Variants in ADCY9 observed in about 807,000 individuals in gnomAD.
ADCY9 encodes adenylate cyclase type 9.
A neutral mutation model predicts 101.5 loss-of-function variants in ADCY9; 50 were observed. The observed-to-expected ratio is 0.49, with a 90% CI of 0.39 to 0.62. The LOEUF is 0.62. Among genes scored for constraint, ADCY9 ranks in the 20% least tolerant of loss-of-function variants. The pLI is 0.00. For synonymous variants in ADCY9, 905 were observed against 769.3 expected (o/e 1.18, Z -2.92); for missense variants, 1,662 against 1,800.4 (o/e 0.92, Z 1.39).
chr16:4,051,638 C>G (rs1238902277), intron 2 of ADCY9, among the ~76,000 whole-genome samples: 1 of 152,028 alleles, frequency 6.6e-6, no homozygotes, highest in Non-Finnish European at 1.5e-5. Flanking sequence ...CTGGGACAAT[C>G]TGGGTATCGA....
chr16:4,094,115 T>G (rs893137310), intron 2 of ADCY9, among the ~76,000 whole-genome samples: 1 of 152,212 alleles, frequency 6.6e-6, no homozygotes, highest in African/African-American at 2.4e-5. Context: ...TTAATTATGT[T>G]AATCCAGCTG....
intron 2 of ADCY9, among the ~76,000 whole-genome samples, chr16:4,097,501 CTA>C (rs1555445956): frequency 5.7e-5 from 6 of 105,500 alleles, no homozygotes; most frequent in African/African-American, 2.2e-4. Flanking sequence ...CACACACACA[CTA>C]TATATATGTA....
intron 2 of ADCY9, among the ~76,000 whole-genome samples, chr16:4,109,871 G>C (rs2057102317): frequency 6.6e-6 from 1 of 152,180 alleles, no homozygotes; most frequent in Admixed American, 6.5e-5. Context: ...GCCCCCTGTT[G>C]AGTGGTTCCC....
chr16:4,050,935 G>A (rs1176638964), intron 2 of ADCY9, among the ~76,000 whole-genome samples: 4 of 152,036 alleles, frequency 2.6e-5, no homozygotes, highest in South Asian at 2.1e-4. Context: ...ACATGTGGCC[G>A]GGAGCAGTGG....
rs2057137885 is a variant in ADCY9 at position 4,114,832 on chromosome 16, C to T, written c.611G>A (p.Ser204Asn). The T allele has an allele frequency of 6.2e-7, 1 of 1,613,496 alleles. No individual in the cohort carries two copies. The highest frequency in any genetic ancestry group is 1.3e-5 in the African/African-American group (1 of 75,072). Residue 204 changes from serine to asparagine, a missense_variant, in exon 2 of 11, where the codon AGC (serine) becomes AAC (asparagine). Ser to Asn is a conservative substitution (Grantham distance 46). Around this residue, in one of 5 missense-constraint regions of ADCY9, gnomAD observed 422 missense variants for 392.0 expected, o/e 1.08. Transcript: ENST00000294016. The surrounding 1 kb of genome is among the most constrained non-coding windows in gnomAD (Gnocchi z 4.3). The stretch of plus-strand genomic sequence containing the variant: ...CCGGGCTGTGGCCGTAAGGTTGGAG[C>T]TGTCGCCGCGTCCTGAGACAGGCGT... ...VLTPVSGRGD[S>N]SNLTATARPT...
At chr16:4,056,096 C>T (rs1179460120) in intron 2 of ADCY9, among the ~76,000 whole-genome samples, 3 of 152,148 alleles carry the variant, frequency 2.0e-5, no homozygotes, top group Non-Finnish European at 2.9e-5. Context: ...CCGAAAGCTG[C>T]GCCCTCCCCG....
At chr16:4,098,678 G>A (rs1230910082) in intron 2 of ADCY9, among the ~76,000 whole-genome samples, 3 of 152,066 alleles carry the variant, frequency 2.0e-5, no homozygotes, top group Admixed American at 2.0e-4. Context: ...TTCCAGTGGC[G>A]TGGAAACAGA....
At chr16:3,968,434 G>A (rs1218472950) in intron 10 of ADCY9, among the ~76,000 whole-genome samples, 1 of 152,004 alleles carries the variant, frequency 6.6e-6, no homozygotes, top group Non-Finnish European at 1.5e-5. Context: ...GCCTGGCCTT[G>A]GTTCTTAGAT....
At chr16:3,969,584 ATATAT>A (rs1567414798) in intron 10 of ADCY9, among the ~76,000 whole-genome samples, 3 of 77,764 alleles carry the variant, frequency 3.9e-5, no homozygotes, top group African/African-American at 2.0e-4. Context: ...ATATATATAT[ATATAT>A]ATATATATAT....
chr16:4,031,346 A>C (rs907520665), intron 2 of ADCY9, among the ~76,000 whole-genome samples: 2 of 152,196 alleles, frequency 1.3e-5, no homozygotes, highest in African/African-American at 4.8e-5. Flanking sequence ...AAAGAGGACA[A>C]ATATAGATAC....
At chr16:4,105,446 C>T (rs988778892) in intron 2 of ADCY9, among the ~76,000 whole-genome samples, 2 of 149,394 alleles carry the variant, frequency 1.3e-5, no homozygotes, top group Non-Finnish European at 3.0e-5. Flanking sequence ...CTGAGGCGGG[C>T]AGATCACTTG....
At chr16:3,993,756 T>C (rs1311999566) in intron 3 of ADCY9, among the ~76,000 whole-genome samples, 1 of 152,120 alleles carries the variant, frequency 6.6e-6, no homozygotes, top group Non-Finnish European at 1.5e-5. Flanking sequence ...GACTGAACAA[T>C]GGATCAACAA....
intron 10 of ADCY9, among the ~76,000 whole-genome samples, chr16:3,967,773 C>A (rs1321385422): frequency 4.0e-5 from 6 of 150,168 alleles, no homozygotes; most frequent in African/African-American, 1.5e-4. Flanking sequence ...TCTTGGCTCA[C>A]TGCACCCTCT....
At chr16:4,092,069 G>A (rs1004442972) in intron 2 of ADCY9, among the ~76,000 whole-genome samples, 14 of 152,200 alleles carry the variant, frequency 9.2e-5, no homozygotes, top group African/African-American at 3.4e-4. Context: ...AGGAGTACAA[G>A]GCCAGCCTGG....
intron 2 of ADCY9, among the ~76,000 whole-genome samples, chr16:4,078,185 G>C (rs978792767): frequency 5.3e-5 from 8 of 152,270 alleles, no homozygotes; most frequent in Admixed American, 5.2e-4. Context: ...ACTTGTGAAT[G>C]TTCACAGCAA....
At chr16:4,031,812 G>C (rs1461873917) in intron 2 of ADCY9, among the ~76,000 whole-genome samples, 1 of 151,994 alleles carries the variant, frequency 6.6e-6, no homozygotes, top group South Asian at 2.1e-4. Context: ...GGGAGGTCGA[G>C]GCAGAGGTGA....
Position 4,115,451 on chromosome 16 carries a change from GTCCCGGGGCCTGCCC to G in ADCY9, c.-24_-10del. ...TGGGGTGGGGAAGCCATGTTGTCGA[GTCCCGGGGCCTGCCC>G]CGGCCGGGGTCACCAGTACCTGCCA... On this transcript the variant is annotated 5_prime_UTR_variant, in exon 2 of 11. Transcript: ENST00000294016. The surrounding 1 kb of genome is among the most constrained non-coding windows in gnomAD (Gnocchi z 6.2). 2 of 1,531,320 alleles carry G rather than the reference GTCCCGGGGCCTGCCC, an allele frequency of 1.3e-6. No individual in the cohort carries two copies. The highest frequency in any genetic ancestry group is 1.8e-6 in the Non-Finnish European group (2 of 1,138,158). 94.9% of individuals were successfully genotyped at this position (1,531,320 alleles called of 1,614,324 possible).
chr16:4,111,463 C>G (rs763288701), intron 2 of ADCY9, among the ~76,000 whole-genome samples: 10 of 152,094 alleles, frequency 6.6e-5, no homozygotes, highest in Non-Finnish European at 1.5e-4. Flanking sequence ...AAGGCAGAGG[C>G]TAAAATCGAT....
At chr16:4,053,871 G>A (rs2056718315) in intron 2 of ADCY9, among the ~76,000 whole-genome samples, 1 of 152,040 alleles carries the variant, frequency 6.6e-6, no homozygotes, top group South Asian at 2.1e-4. Flanking sequence ...AGGGTCTTCT[G>A]GATAGGGCAT....
Sources: gnomAD v4.1 joint callset for allele counts (sites outside exome capture counted in the v4.1 genomes callset) on GRCh38, gnomAD v4.1.1 for gene constraint, gnomAD v4.1.1 regional missense constraint, Gnocchi (gnomAD v3.1) non-coding constraint, MANE v1.5 for transcripts, NCBI Gene and HGNC (gene_info 2026-07-23, HGNC 2026-07-21) for gene names.